Variants in RPN1 observed in about 807,000 individuals in gnomAD.
RPN1 encodes ribophorin I.
Under a neutral mutation model 55.5 loss-of-function variants are expected in RPN1, and 12 were observed. That is an observed-to-expected ratio of 0.22 (90% CI 0.14 to 0.35). RPN1 has a LOEUF of 0.35. RPN1 is among the 10% of genes least tolerant of loss of function. The pLI is 1.00. For missense variants in RPN1, 679 were observed against 761.3 expected (o/e 0.89, Z 1.27); for synonymous variants, 317 against 305.9 (o/e 1.04, Z -0.38).
chr3:128,645,540 T>C (rs2069760378), intron 1 of RPN1, among the ~76,000 whole-genome samples: 1 of 151,812 alleles, frequency 6.6e-6, no homozygotes, highest in African/African-American at 2.4e-5. Flanking sequence ...TACACACAGC[T>C]GGGTGTGGTA....
intron 3 of RPN1, among the ~76,000 whole-genome samples, chr3:128,635,622 TATATATATATATATATAG>T (rs1276925418): frequency 6.4e-4 from 17 of 26,630 alleles, no homozygotes; most frequent in Admixed American, 1.1e-3. Flanking sequence ...GATATATATA[TATATATATATATATATAG>T]ATATATATAT....
At chr3:128,643,836 G>A (rs1427377737) in intron 2 of RPN1, among the ~76,000 whole-genome samples, 1 of 151,382 alleles carries the variant, frequency 6.6e-6, no homozygotes, top group Non-Finnish European at 1.5e-5. Context: ...GGTGGCACAC[G>A]CCTGTAATCC....
rs766823967 is a variant in RPN1, at chr3:128,620,537, C to T, written c.1698G>A (p.Ala566=). 5.6e-6 allele frequency: 9 copies of T among 1,614,160 alleles called. No individual in the cohort carries two copies. Among genetic ancestry groups the T allele is most frequent in the East Asian group, 2.2e-5 (1 of 44,890 alleles). The change falls in exon 10 of 10, where the codon GCG becomes GCA. Residue 566 remains alanine (A), a synonymous_variant. Transcript: ENST00000296255. ...CAGCCACCAGGCGCTCAGCCTCCAC[C>T]GCCGACTTCAGCACCAGCTCCTTGA... ...AQVKELVLKS[A]VEAERLVAGK...
In RPN1 at chr3:128,631,964, G is replaced by C. The variant is rs1454068838; in HGVS notation, c.827C>G (p.Ser276Cys). The C allele has an allele frequency of 8.7e-6, 14 of 1,614,044 alleles. No individual in the cohort carries two copies. The highest frequency in any genetic ancestry group is 8.3e-5 in the Admixed American group (5 of 59,992). Residue 276 changes from serine (S) to cysteine (C), a missense_variant, in exon 4 of 10, where the codon TCC (serine) becomes TGC (cysteine). Physicochemically the swap from Ser to Cys is moderately radical, Grantham distance 112. Transcript: ENST00000296255. Reference sequence around the variant, plus strand: ...ATTCCATACCTTAAAAGAACGGATGGAGGATATTCCACTATCTGGCTGTCT... The same window carrying C: ...ATTCCATACCTTAAAAGAACGGATGCAGGATATTCCACTATCTGGCTGTCT... ...YQRQPDSGIS[S>C]IRSFKTILPA... is the part of the protein sequence containing the mutation.
intron 1 of RPN1, 74 bp downstream of exon 1, chr3:128,650,466 C>A: frequency 7.1e-7 from 1 of 1,413,506 alleles, no homozygotes. Flanking sequence ...GGGGCGCGGG[C>A]GGAGTCGGGG....
chr3:128,621,040 G>A (rs534956222), intron 9 of RPN1, among the ~76,000 whole-genome samples: 8 of 152,268 alleles, frequency 5.3e-5, no homozygotes, highest in South Asian at 2.1e-4. Flanking sequence ...CCTACTGTAC[G>A]TCACATTGAG....
At position 128,625,572 on chromosome 3, in the gene RPN1, C is replaced by T. The variant is rs1126829; in HGVS notation, c.1357G>A (p.Val453Ile). The T allele has an allele frequency of 1.1e-3, 1,787 of 1,614,046 alleles. 5 individuals are homozygous for T. Among genetic ancestry groups the T allele is most frequent in the Non-Finnish European group, 1.2e-3 (1,371 of 1,180,018 alleles). Residue 453 changes from valine to isoleucine, a missense_variant, in exon 8 of 10, where the codon GTT (valine) becomes ATT (isoleucine). Val to Ile is a conservative substitution (Grantham distance 29). Transcript: ENST00000296255. ...VAAFYILFFTVIIYVRLDFSI... is the reference protein window; with the variant it reads ...VAAFYILFFTIIIYVRLDFSI... ...AAGTCCAGCCGAACATAGATGATAA[C>T]GGTGAAGAACAGGATGTAGAAGGCC...
chr3:128,632,114 G>A lies in RPN1; in HGVS notation c.677C>T (p.Thr226Ile). 1 of 1,614,176 alleles carries A rather than the reference G, an allele frequency of 6.2e-7. No individual in the cohort carries two copies. ...VHYENNSPFLTITSMTRVIEV... is the reference protein window; with the variant it reads ...VHYENNSPFLIITSMTRVIEV... ...AATGACTCGGGTCATGCTGGTGATG[G>A]TCAGGAAAGGGCTGTTGTTCTCATA... Residue 226 changes from threonine (T) to isoleucine (I), a missense_variant, in exon 4 of 10, where the codon ACC becomes ATC. Transcript: ENST00000296255.
intron 5 of RPN1, among the ~76,000 whole-genome samples, chr3:128,628,903 A>C: frequency 6.6e-6 from 1 of 152,106 alleles, no homozygotes; most frequent in Non-Finnish European, 1.5e-5. Context: ...AATCGCTTGA[A>C]CCTAGGAGGC....
In RPN1 at chr3:128,620,031, A is replaced by C. The variant is rs979442481; in HGVS notation, c.*380T>G. 13 of 226,644 alleles carry C rather than the reference A, an allele frequency of 5.7e-5. No individual in the cohort carries two copies. The highest frequency in any genetic ancestry group is 4.6e-4 in the East Asian group (7 of 15,364). The allele number at this position is 226,644 out of a possible 1,614,324, so 14.0% of individuals were successfully genotyped here. ...CACACGCTTTAAAAAAAAAAAAAAAAACACATGCACTCACACAATACCCAA... is the reference window on the plus strand; with the variant it reads ...CACACGCTTTAAAAAAAAAAAAAAACACACATGCACTCACACAATACCCAA... On this transcript the variant is annotated 3_prime_UTR_variant, in exon 10 of 10. Coordinates refer to ENST00000296255, the MANE Select transcript of RPN1 (RefSeq NM_002950.4).
Position 128,632,156 on chromosome 3 carries a change from T to A in RPN1, c.635A>T (p.Asp212Val). ...GTTCTCATAATGTACTTTAAAAGTATCCTGGAAGGAAGGAAACAAATAGTT... is the reference window on the plus strand; with the variant it reads ...GTTCTCATAATGTACTTTAAAAGTAACCTGGAAGGAAGGAAACAAATAGTT... ...PFRDVPAYSQ[D>V]TFKVHYENNS... The change falls in exon 4 of 10, where the codon GAT becomes GTT. Residue 212 changes from aspartate (D) to valine (V), a missense_variant and splice_region_variant. By Grantham distance (152) the Asp-to-Val change is radical (BLOSUM62 -3). Transcript: ENST00000296255. 1 of 1,614,134 alleles carries A rather than the reference T, an allele frequency of 6.2e-7. No individual in the cohort carries two copies. Among genetic ancestry groups the A allele is most frequent in the South Asian group, 1.1e-5 (1 of 91,074 alleles).
chr3:128,632,819 C>T (rs1296193511), intron 3 of RPN1, among the ~76,000 whole-genome samples: 1 of 152,016 alleles, frequency 6.6e-6, no homozygotes, highest in East Asian at 1.9e-4. Flanking sequence ...GGTCTCGAAC[C>T]CCTGACCTCA....
chr3:128,621,823 T>C (rs1277748886), intron 9 of RPN1, among the ~76,000 whole-genome samples: 3 of 152,180 alleles, frequency 2.0e-5, no homozygotes, highest in Non-Finnish European at 4.4e-5. Flanking sequence ...TTCAAACCTA[T>C]TGATTCTAAA....
chr3:128,638,189 T>C, intron 2 of RPN1, 84 bp from the exon 3 acceptor site: 2 of 1,042,182 alleles, frequency 1.9e-6, no homozygotes, highest in South Asian at 1.6e-5. Flanking sequence ...CAACAAAATT[T>C]TGAACCAAAG....
intron 3 of RPN1, among the ~76,000 whole-genome samples, chr3:128,632,590 T>G (rs1173644871): frequency 6.6e-6 from 1 of 152,124 alleles, no homozygotes; most frequent in Non-Finnish European, 1.5e-5. Context: ...AAGTTCTGAC[T>G]TCACTTTTTT....
chr3:128,622,884 G>A (rs1348811098), intron 8 of RPN1, among the ~76,000 whole-genome samples: 6 of 137,022 alleles, frequency 4.4e-5, no homozygotes, highest in Non-Finnish European at 9.2e-5. Context: ...GCGACAGAGC[G>A]AAACTCCATC....
rs2069643994 is a variant in RPN1, at chr3:128,631,804, G to C, written c.843+144C>G. The stretch of plus-strand genomic sequence containing the variant: ...GGGGGTATTTTTTAAGATTCTGTTG[G>C]TTTCTAACACTGCCAATCAACAAGA... On this transcript the variant is annotated intron_variant, in intron 4 of 9. Coordinates refer to ENST00000296255, the MANE Select transcript of RPN1 (RefSeq NM_002950.4). 7 of 830,850 alleles carry C rather than the reference G, an allele frequency of 8.4e-6. No individual in the cohort carries two copies. The South Asian group carries it at 1.2e-4, about 14-fold the overall frequency. The allele number at this position is 830,850 out of a possible 1,614,324, so 51.5% of individuals were successfully genotyped here.
chr3:128,644,866 C>T, intron 2 of RPN1, 53 bp downstream of exon 2: 1 of 1,018,144 alleles, frequency 9.8e-7, no homozygotes, highest in Non-Finnish European at 1.6e-6. Context: ...CATATGATCC[C>T]AACCCTGACA....
chr3:128,620,471 G>A lies in RPN1; in HGVS notation c.1764C>T (p.Leu588=). The A allele has an allele frequency of 6.2e-7, 1 of 1,614,100 alleles. No homozygotes were observed. The highest frequency in any genetic ancestry group is 1.1e-5 in the South Asian group (1 of 91,068). Residue 588 remains leucine, a synonymous_variant, in exon 10 of 10, where the codon CTC becomes CTT. Coordinates refer to ENST00000296255, the MANE Select transcript of RPN1 (RefSeq NM_002950.4). ...CCAGCTCCTGGCGCTTTCCTGAGAT[G>A]AGCTTCTCATTCTCAATGTACGTGT... The part of the protein sequence containing the change: ...KKDTYIENEK[L]ISGKRQELVT...
Sources: gnomAD v4.1 joint callset for allele counts (sites outside exome capture counted in the v4.1 genomes callset) on GRCh38, gnomAD v4.1.1 for gene constraint, MANE v1.5 for transcripts, NCBI Gene and HGNC (gene_info 2026-07-23, HGNC 2026-07-21) for gene names.